Variants in PPHLN1 observed in about 807,000 individuals in gnomAD.
PPHLN1 encodes periphilin 1.
PPHLN1 carries 29 observed loss-of-function variants against 51.3 expected under a neutral mutation model. The observed-to-expected ratio is 0.57, with a 90% CI of 0.42 to 0.77. The LOEUF (loss-of-function observed/expected upper bound fraction) is 0.77, where lower values mean the gene tolerates loss of function less well. PPHLN1 is among the 30% of genes least tolerant of loss of function. PPHLN1 has a pLI of 0.00. For synonymous variants in PPHLN1, 147 were observed against 147.8 expected, an observed-to-expected ratio of 0.99 and a Z score of 0.04; for missense variants, 436 against 438.4, an observed-to-expected ratio of 0.99 and a Z score of 0.05.
At chr12:42,418,913 GCTTT>G (rs879355752) in intron 9 of PPHLN1, among the ~76,000 whole-genome samples, 3 of 152,040 alleles carry the variant, frequency 2.0e-5, no homozygotes, top group Admixed American at 1.3e-4. Context: ...ATGAATTAAT[GCTTT>G]CTAAGTATTA....
chr12:42,372,863 C>T (rs563759731), intron 4 of PPHLN1, among the ~76,000 whole-genome samples: 2 of 152,288 alleles, frequency 1.3e-5, no homozygotes, highest in South Asian at 4.1e-4. Context: ...TTATTTTTCT[C>T]ATTTCATTAA....
intron 4 of PPHLN1, among the ~76,000 whole-genome samples, chr12:42,362,367 A>C (rs73122423): frequency 0.01 from 1,525 of 152,174 alleles, 19 homozygotes; most frequent in South Asian, 0.05. Context: ...GCACATTTTA[A>C]ATTTTGATGA....
chr12:42,413,731 T>C (rs2080106072), intron 9 of PPHLN1, among the ~76,000 whole-genome samples: 1 of 151,896 alleles, frequency 6.6e-6, no homozygotes, highest in African/African-American at 2.4e-5. Context: ...CCAGCTAATT[T>C]TTGTATTTTT....
At chr12:42,417,943 G>GTTTT (rs371302578) in intron 9 of PPHLN1, among the ~76,000 whole-genome samples, 3 of 88,388 alleles carry the variant, frequency 3.4e-5, no homozygotes, top group Admixed American at 1.6e-4. Flanking sequence ...TTTTTTTTTT[G>GTTTT]TTTTTTTTTT....
chr12:42,431,621 T>G (rs1423582278), intron 9 of PPHLN1: 5 of 773,272 alleles, frequency 6.5e-6, no homozygotes, highest in Non-Finnish European at 1.1e-5. Flanking sequence ...CAAGCACTGT[T>G]GTAAATGTAA....
intron 2 of PPHLN1, 78 bp from the exon 3 acceptor site, chr12:42,351,807 C>G (rs2073398789): frequency 1.6e-6 from 2 of 1,236,664 alleles, no homozygotes; most frequent in African/African-American, 1.6e-5. Flanking sequence ...GGTAAGAACT[C>G]CTGTGCTTTT....
At chr12:42,443,806 C>T (rs1460786259), downstream of PPHLN1, 1 of 152,212 alleles carries the variant, frequency 6.6e-6, no homozygotes, top group East Asian at 1.9e-4. Flanking sequence ...CAAGATTGGC[C>T]TATAGTTGTT....
intron 6 of PPHLN1, among the ~76,000 whole-genome samples, chr12:42,386,007 A>G (rs976821373): frequency 1.3e-5 from 2 of 152,250 alleles, no homozygotes; most frequent in Non-Finnish European, 2.9e-5. Flanking sequence ...TAAGGTCTAC[A>G]AGAACTTTTA....
In PPHLN1 at chr12:42,352,037, A is replaced by C; in HGVS notation, c.225A>C (p.Pro75=). The C allele has an allele frequency of 6.6e-7, 1 of 1,524,976 alleles. No individual in the cohort carries two copies. The highest frequency in any genetic ancestry group is 8.8e-7 in the Non-Finnish European group (1 of 1,142,232). The allele number at this position is 1,524,976 out of a possible 1,614,324, so 94.5% of individuals were successfully genotyped here. Residue 75 remains proline, a synonymous_variant, in exon 3 of 10, where the codon CCA becomes CCC. Transcript: ENST00000358314. Reference sequence around the variant, plus strand: ...TTTCTCATGATCGAAGAAGTGGTCCACCTCACAGAGGAGTATGTAAATTTC... The same window carrying C: ...TTTCTCATGATCGAAGAAGTGGTCCCCCTCACAGAGGAGTATGTAAATTTC... ...RSFSHDRRSG[P]PHRGDESGYR... is the part of the protein sequence containing the mutation.
At chr12:42,351,347 A>G (rs1245265783) in intron 2 of PPHLN1, 1 of 152,214 alleles carries the variant, frequency 6.6e-6, no homozygotes, top group African/African-American at 2.4e-5. Context: ...CAAATTTTAT[A>G]TCAGCTTTTA....
chr12:42,386,573 G>A (rs991948655), intron 6 of PPHLN1, among the ~76,000 whole-genome samples: 3 of 152,104 alleles, frequency 2.0e-5, no homozygotes, highest in African/African-American at 7.2e-5. Flanking sequence ...GTCTCGACCA[G>A]CTTCTGTGTG....
chr12:42,387,551 A>T lies in PPHLN1; in HGVS notation c.648+16A>T. ...TTCATCAAAGGTTTGTTATATTTCT[A>T]AAATCAGTTTAAAGAAGAATTACAA... On this transcript the variant is annotated intron_variant, in intron 7 of 9. Transcript: ENST00000358314. 1 of 1,607,962 alleles carries T rather than the reference A, an allele frequency of 6.2e-7. No individual in the cohort carries two copies. Among genetic ancestry groups the T allele is most frequent in the Non-Finnish European group, 8.5e-7 (1 of 1,178,302 alleles).
chr12:42,333,439 C>T (rs1050541726), intron 1 of PPHLN1, among the ~76,000 whole-genome samples: 1 of 151,966 alleles, frequency 6.6e-6, no homozygotes, highest in Admixed American at 6.6e-5. Context: ...TCTTCCCAAT[C>T]TGTACCAATT....
intron 2 of PPHLN1, chr12:42,343,834 A>T: frequency 2.3e-6 from 1 of 429,646 alleles, no homozygotes; most frequent in Non-Finnish European, 4.6e-6. Context: ...ACCAGTTTTT[A>T]TGTTTTTGAC....
At chr12:42,399,180 G>A (rs1018688357) in intron 9 of PPHLN1, 186 bp downstream of exon 9, 12 of 1,267,018 alleles carry the variant, frequency 9.5e-6, no homozygotes, top group Non-Finnish European at 1.1e-5. Flanking sequence ...CCCCCACCTG[G>A]ATTGTTTATT....
chr12:42,430,307 G>A (rs2081926018), intron 9 of PPHLN1, among the ~76,000 whole-genome samples: 1 of 151,782 alleles, frequency 6.6e-6, no homozygotes, highest in Non-Finnish European at 1.5e-5. Context: ...CCTTACAGTT[G>A]ATACTTGAAC....
At chr12:42,392,685 G>A (rs1244977880) in intron 7 of PPHLN1, among the ~76,000 whole-genome samples, 2 of 151,966 alleles carry the variant, frequency 1.3e-5, no homozygotes, top group African/African-American at 4.8e-5. Context: ...CAGTACTGGG[G>A]GAATTATATC....
At position 42,397,095 on chromosome 12, in the gene PPHLN1, T is replaced by A. The variant is rs555432209; in HGVS notation, c.769-1759T>A. On this transcript the variant is annotated intron_variant, in intron 8 of 9. Coordinates refer to ENST00000358314, the MANE Select transcript of PPHLN1 (RefSeq NM_201439.2). ...TCACTTCCTGCTGTAGAGGAAAAAT[T>A]TAAAATTTACGACTTATGTTGTTTT... Among the ~76,000 whole-genome samples the A allele has an allele frequency of 1.4e-3, 220 of 152,128 alleles. 1 individual carries two copies. Among genetic ancestry groups the A allele is most frequent in the Admixed American group, 4.5e-3 (69 of 15,272 alleles).
intron 8 of PPHLN1, among the ~76,000 whole-genome samples, chr12:42,394,982 T>G (rs1034159733): frequency 6.6e-5 from 10 of 152,142 alleles, no homozygotes; most frequent in Admixed American, 4.6e-4. Context: ...CAAGGCTTTA[T>G]TAATTTATGA....
Sources: allele counts gnomAD v4.1 joint callset (sites outside exome capture counted in the v4.1 genomes callset), GRCh38; gene constraint gnomAD v4.1.1; transcripts MANE v1.5; gene names NCBI Gene and HGNC (gene_info 2026-07-23, HGNC 2026-07-21).